EYS: variants seen among roughly 807,000 people sequenced by gnomAD.
The protein encoded by EYS is protein eyes shut homolog.
In EYS, 250 loss-of-function variants were observed where a neutral mutation model predicts 282.1. The observed-to-expected ratio is 0.89, with a 90% CI of 0.80 to 0.98. The LOEUF (loss-of-function observed/expected upper bound fraction) is 0.98. Ranked by LOEUF, EYS falls within the 50% of genes least tolerant of loss-of-function variation. The probability of loss-of-function intolerance (pLI) is 0.00; values close to 1 mark genes in which losing one functional copy is unlikely to be tolerated. For missense variants in EYS, 4,016 were observed against 3,709.0 expected, an observed-to-expected ratio of 1.08 and a Z score of -2.15; for synonymous variants, 1,355 against 1,282.9, an observed-to-expected ratio of 1.06 and a Z score of -1.20.
At chr6:64,349,063 T>G (rs11970176) in intron 29 of EYS, among the ~76,000 whole-genome samples, 4,724 of 151,456 alleles carry the variant, frequency 0.031, 232 homozygotes, top group African/African-American at 0.11. Flanking sequence ...ATCTTAAAAT[T>G]ATATAAAAAT....
chr6:64,730,089 T>A (rs1405746667), intron 22 of EYS, among the ~76,000 whole-genome samples: 1 of 152,206 alleles, frequency 6.6e-6, no homozygotes, highest in African/African-American at 2.4e-5. Context: ...CCTTGTTAAA[T>A]TTTTGTTTCT....
chr6:63,927,551 G>C (rs1359442897), intron 35 of EYS, among the ~76,000 whole-genome samples: 7 of 152,240 alleles, frequency 4.6e-5, no homozygotes, highest in Non-Finnish European at 8.8e-5. Flanking sequence ...TGTGGGCTGA[G>C]TGTGGTTAAG....
chr6:63,729,507 G>C (rs966763569), intron 41 of EYS, among the ~76,000 whole-genome samples: 3 of 150,032 alleles, frequency 2.0e-5, no homozygotes, highest in African/African-American at 7.3e-5. Context: ...AAGATGTCAT[G>C]TCTGTGTCTA....
At chr6:63,755,898 G>A (rs1480100270) in intron 41 of EYS, among the ~76,000 whole-genome samples, 5 of 152,182 alleles carry the variant, frequency 3.3e-5, no homozygotes, top group Admixed American at 1.3e-4. Flanking sequence ...TGCGGCAACT[G>A]TGAATGGGAG....
chr6:65,312,390 T>C (rs1229553461), intron 11 of EYS, among the ~76,000 whole-genome samples: 3 of 152,082 alleles, frequency 2.0e-5, no homozygotes, highest in African/African-American at 7.2e-5. Context: ...GGATTTTCTG[T>C]GAAGTTAGGA....
chr6:63,737,229 A>G (rs1768939628), intron 41 of EYS, among the ~76,000 whole-genome samples: 1 of 152,128 alleles, frequency 6.6e-6, no homozygotes, highest in Non-Finnish European at 1.5e-5. Context: ...TGGGTTTGTC[A>G]TAGATAGCTC....
intron 33 of EYS, among the ~76,000 whole-genome samples, chr6:64,020,074 A>T (rs148020024): frequency 6.6e-6 from 1 of 151,994 alleles, no homozygotes; most frequent in Non-Finnish European, 1.5e-5. Flanking sequence ...AAACATCTAA[A>T]CTCTAGTATC....
rs761841136 is a variant in EYS, at chr6:64,672,704, C to T, written c.3444-46459G>A. 6.1e-4 allele frequency among the ~76,000 whole-genome samples: 93 copies of T among 152,114 alleles called. 1 individual carries two copies. Among genetic ancestry groups the T allele is most frequent in the Admixed American group, 3.5e-3 (53 of 15,256 alleles). On this transcript the variant is annotated intron_variant, in intron 22 of 42. Coordinates refer to ENST00000503581, the MANE Select transcript of EYS (RefSeq NM_001142800.2). ...TTTCCTGAAGCTTATGTGCCTTGGT[C>T]TTTTGAGTACAGTAACTGCACAATC...
intron 29 of EYS, among the ~76,000 whole-genome samples, chr6:64,345,792 A>C: frequency 6.6e-6 from 1 of 152,152 alleles, no homozygotes; most frequent in East Asian, 1.9e-4. Context: ...AAATTTTCGC[A>C]ACCTACTTCT....
At chr6:64,993,171 T>C (rs1343994269) in intron 14 of EYS, among the ~76,000 whole-genome samples, 2 of 151,180 alleles carry the variant, frequency 1.3e-5, no homozygotes, top group Non-Finnish European at 2.9e-5. Flanking sequence ...GGGAAGGAAA[T>C]AAGCGACTCT....
chr6:65,482,329 A>C (rs1298940425), intron 5 of EYS, among the ~76,000 whole-genome samples: 1 of 152,194 alleles, frequency 6.6e-6, no homozygotes, highest in East Asian at 1.9e-4. Context: ...AACATTGACT[A>C]TACATGTGTG....
At position 64,590,044 on chromosome 6, in the gene EYS, G is replaced by C. The variant is rs539200641; in HGVS notation, c.5644+179C>G. 2.0e-3 allele frequency among the ~76,000 whole-genome samples: 312 copies of C among 152,254 alleles called. 2 individuals carry two copies. Among genetic ancestry groups the C allele is most frequent in the Non-Finnish European group, 3.4e-3 (232 of 67,998 alleles). On this transcript the variant is annotated intron_variant, in intron 26 of 42. Transcript: ENST00000503581. Reference sequence around the variant, plus strand: ...TTGATCTGGTAGCCTTTGTGGCAGTGCATAAAGAATAACCATCTGTGTCAG... The same window carrying C: ...TTGATCTGGTAGCCTTTGTGGCAGTCCATAAAGAATAACCATCTGTGTCAG...
chr6:65,125,263 T>G (rs1341121548), intron 12 of EYS, among the ~76,000 whole-genome samples: 1 of 152,224 alleles, frequency 6.6e-6, no homozygotes, highest in Non-Finnish European at 1.5e-5. Flanking sequence ...TTTACAAACA[T>G]GAAGCAAAGC....
intron 12 of EYS, among the ~76,000 whole-genome samples, chr6:65,077,439 C>T (rs193052618): frequency 5.4e-4 from 82 of 152,124 alleles, no homozygotes; most frequent in African/African-American, 1.7e-3. Flanking sequence ...CTGAAGAAAA[C>T]GCTCTAGGTT....
chr6:63,908,940 C>T (rs1054483574), intron 35 of EYS, among the ~76,000 whole-genome samples: 5 of 151,698 alleles, frequency 3.3e-5, no homozygotes, highest in Admixed American at 1.3e-4. Context: ...AAGACTGTTT[C>T]AGGGGAATGG....
intron 1 of EYS, among the ~76,000 whole-genome samples, chr6:65,677,153 A>G (rs1768645185): frequency 6.7e-6 from 1 of 149,812 alleles, no homozygotes; most frequent in Admixed American, 6.7e-5. Flanking sequence ...TGGTAAGATC[A>G]GGGATAAGGC....
intron 36 of EYS, among the ~76,000 whole-genome samples, chr6:63,835,328 ACTCT>A (rs906843809): frequency 4.7e-5 from 7 of 149,294 alleles, no homozygotes; most frequent in African/African-American, 9.8e-5. Context: ...ATACATATAT[ACTCT>A]CTCTCTATAT....
chr6:65,621,254 A>G lies in EYS; in HGVS notation c.-333+18524T>C, dbSNP rs529137162. 1.7e-4 allele frequency among the ~76,000 whole-genome samples: 26 copies of G among 152,236 alleles called. 1 individual carries two copies. Among genetic ancestry groups the G allele is most frequent in the African/African-American group, 5.8e-4 (24 of 41,534 alleles). ...TGGTGCTCCTGTATTGGGTCCATATATATTTAGGACAGTTAGCTCTTCTTG... is the reference window on the plus strand; with the variant it reads ...TGGTGCTCCTGTATTGGGTCCATATGTATTTAGGACAGTTAGCTCTTCTTG... On this transcript the variant is annotated intron_variant, in intron 2 of 42. Transcript: ENST00000503581.
chr6:65,210,358 G>T (rs1766143729), intron 12 of EYS, among the ~76,000 whole-genome samples: 1 of 151,812 alleles, frequency 6.6e-6, no homozygotes, highest in Non-Finnish European at 1.5e-5. Context: ...TTCCTTAGGG[G>T]GTTTAAATAA....
Sources: gnomAD v4.1 joint callset for allele counts (sites outside exome capture counted in the v4.1 genomes callset) on GRCh38, gnomAD v4.1.1 for gene constraint, MANE v1.5 for transcripts, NCBI Gene and HGNC (gene_info 2026-07-23, HGNC 2026-07-21) for gene names.